INSYN2B: variants seen among roughly 807,000 people sequenced by gnomAD.
The protein encoded by INSYN2B is protein INSYN2B.
INSYN2B carries 16 observed loss-of-function variants against 41.2 expected under a neutral mutation model. The observed-to-expected ratio is 0.39, with a 90% CI of 0.26 to 0.59. The LOEUF is 0.59. Ranked by LOEUF, INSYN2B falls within the 20% of genes least tolerant of loss-of-function variation. The pLI, the probability that INSYN2B is intolerant of heterozygous loss-of-function variation, is 0.57. For synonymous variants in INSYN2B, 245 were observed against 244.4 expected (o/e 1.00, Z -0.02); for missense variants, 608 against 646.4 (o/e 0.94, Z 0.64).
intron 1 of INSYN2B, among the ~76,000 whole-genome samples, chr5:169,894,585 T>C (rs1385368289): frequency 6.6e-6 from 1 of 152,176 alleles, no homozygotes; most frequent in Non-Finnish European, 1.5e-5. Context: ...TATGGTCTGA[T>C]CTAATCACAG....
rs143786946 is a variant in INSYN2B, at chr5:169,892,099, A to G, written c.-918-7283T>C. Among the ~76,000 whole-genome samples, 418 of 152,334 alleles carry G rather than the reference A, an allele frequency of 2.7e-3. 1 individual carries two copies. Among genetic ancestry groups the G allele is most frequent in the African/African-American group, 9.8e-3 (409 of 41,588 alleles). ...AGAATCTTATTTAATGATTTTCAAA[A>G]TTCCTTTAGCGGTAAAATCAGCCTT... On this transcript the variant is annotated intron_variant, in intron 1 of 3. Transcript: ENST00000377365.
At chr5:169,916,105 C>G (rs1774859802) in intron 1 of INSYN2B, among the ~76,000 whole-genome samples, 1 of 152,178 alleles carries the variant, frequency 6.6e-6, no homozygotes, top group Non-Finnish European at 1.5e-5. Context: ...AATGAGAATT[C>G]AAACTAGATT....
chr5:169,926,994 A>G (rs924286726), intron 1 of INSYN2B, among the ~76,000 whole-genome samples: 1 of 152,230 alleles, frequency 6.6e-6, no homozygotes, highest in Non-Finnish European at 1.5e-5. Flanking sequence ...CAAGGATAAC[A>G]TCTCTCTGAC....
chr5:169,974,832 C>A (rs894667643), intron 1 of INSYN2B, among the ~76,000 whole-genome samples: 3 of 150,514 alleles, frequency 2.0e-5, no homozygotes, highest in Non-Finnish European at 4.4e-5. Context: ...TATTTGTGAC[C>A]CCCCTCCCCC....
In INSYN2B at chr5:169,882,859, G is replaced by A; in HGVS notation, c.1040C>T (p.Ala347Val). The A allele has an allele frequency of 6.4e-7, 1 of 1,551,220 alleles. No homozygotes were observed. Among genetic ancestry groups the A allele is most frequent in the Admixed American group, 2.0e-5 (1 of 50,994 alleles). The change falls in exon 2 of 4, where the codon GCA becomes GTA. Residue 347 changes from alanine (A) to valine (V), a missense_variant. Transcript: ENST00000377365. ...CTGACACCCAGGGGCAGATTTCGATGCACTGTTAGTTTTGAGTGACACCAG... is the reference window on the plus strand; with the variant it reads ...CTGACACCCAGGGGCAGATTTCGATACACTGTTAGTTTTGAGTGACACCAG... The part of the protein sequence containing the change: ...QNLVSLKTNS[A>V]SKSAPGCQEQ...
chr5:169,951,069 G>A (rs557297234), intron 1 of INSYN2B, among the ~76,000 whole-genome samples: 1 of 152,334 alleles, frequency 6.6e-6, no homozygotes, highest in African/African-American at 2.4e-5. Flanking sequence ...GTGATTGGCT[G>A]GAGCTGATGA....
At chr5:169,948,824 T>A (rs1414602261) in intron 1 of INSYN2B, among the ~76,000 whole-genome samples, 1 of 151,818 alleles carries the variant, frequency 6.6e-6, no homozygotes, top group Non-Finnish European at 1.5e-5. Context: ...CTCAGGATGG[T>A]TTGTCTCTTT....
rs562365230 is a variant in INSYN2B at position 169,895,935 on chromosome 5, G to A, written c.-918-11119C>T. On this transcript the variant is annotated intron_variant, in intron 1 of 3. Coordinates refer to ENST00000377365, the MANE Select transcript of INSYN2B (RefSeq NM_001129891.3). ...CTTCTTCCCTATTTTCTGGCCTGGA[G>A]ATGTCCCCGATTACCACTACCCTTG... Among the ~76,000 whole-genome samples the A allele has an allele frequency of 2.4e-3, 368 of 152,318 alleles. 19 individuals carry two copies. The South Asian group carries it at 0.073, about 30-fold the overall frequency.
chr5:169,872,779 G>C (rs1467486503), intron 3 of INSYN2B, among the ~76,000 whole-genome samples: 1 of 152,198 alleles, frequency 6.6e-6, no homozygotes, highest in East Asian at 1.9e-4. Context: ...TCTGAAAGTA[G>C]GACCTAGTTT....
At chr5:169,948,316 C>T (rs1776525115) in intron 1 of INSYN2B, among the ~76,000 whole-genome samples, 1 of 152,114 alleles carries the variant, frequency 6.6e-6, no homozygotes. Context: ...TAAACAAATA[C>T]ACATAAGTGT....
rs546791834 is a variant in INSYN2B, at chr5:169,945,821, C to T, written c.-919+34456G>A. 1.8e-4 allele frequency among the ~76,000 whole-genome samples: 27 copies of T among 152,346 alleles called. 1 individual carries two copies. In the East Asian group the frequency reaches 5.2e-3, roughly 29 times the overall value. ...TTTGCTTATTGTTTGGATTCGCCCA[C>T]GGCCTCCGTCCTTTGTGCAGCCTGA... On this transcript the variant is annotated intron_variant, in intron 1 of 3. Coordinates refer to ENST00000377365, the MANE Select transcript of INSYN2B (RefSeq NM_001129891.3).
rs549978787 is a variant in INSYN2B at position 169,961,887 on chromosome 5, G to A, written c.-919+18390C>T. On this transcript the variant is annotated intron_variant, in intron 1 of 3. Transcript: ENST00000377365. ...CCAGCTACTCAGGAGGCTGAGGCAG[G>A]AGAATCACTTGAACCCAGGAGGCGG... 2.0e-5 allele frequency among the ~76,000 whole-genome samples: 3 copies of A among 147,430 alleles called. No homozygotes were observed. In the Admixed American group the frequency reaches 2.1e-4, roughly 10 times the overall value.
intron 1 of INSYN2B, among the ~76,000 whole-genome samples, chr5:169,979,247 G>C (rs1777852237): frequency 6.6e-6 from 1 of 152,218 alleles, no homozygotes; most frequent in Non-Finnish European, 1.5e-5. Context: ...AACAACGTCA[G>C]TGTTAGGGCT....
chr5:169,967,067 A>G (rs1450071282), intron 1 of INSYN2B, among the ~76,000 whole-genome samples: 1 of 152,222 alleles, frequency 6.6e-6, no homozygotes, highest in African/African-American at 2.4e-5. Context: ...GCACTGTGCC[A>G]GGTGCTAGGG....
intron 1 of INSYN2B, among the ~76,000 whole-genome samples, chr5:169,912,479 A>G (rs374092599): frequency 1.3e-5 from 2 of 152,156 alleles, no homozygotes; most frequent in Non-Finnish European, 2.9e-5. Context: ...GTGTGTGCAC[A>G]TATGTGTTTT....
chr5:169,864,681 G>C (rs145189270), intron 3 of INSYN2B, among the ~76,000 whole-genome samples: 102 of 152,280 alleles, frequency 6.7e-4, no homozygotes, highest in African/African-American at 2.4e-3. Flanking sequence ...TCCTCACAGG[G>C]ATGTTATTAA....
chr5:169,911,811 G>C (rs149348070), intron 1 of INSYN2B, among the ~76,000 whole-genome samples: 1 of 152,156 alleles, frequency 6.6e-6, no homozygotes, highest in Non-Finnish European at 1.5e-5. Flanking sequence ...CAAGTTCCAC[G>C]GAAAGCCTAG....
chr5:169,909,131 T>A (rs1774454891), intron 1 of INSYN2B, among the ~76,000 whole-genome samples: 1 of 152,212 alleles, frequency 6.6e-6, no homozygotes, highest in Admixed American at 6.5e-5. Context: ...TTGCTGTGCC[T>A]CCATTTCTAA....
At chr5:169,901,921 G>A (rs1301972872) in intron 1 of INSYN2B, among the ~76,000 whole-genome samples, 1 of 152,084 alleles carries the variant, frequency 6.6e-6, no homozygotes, top group African/African-American at 2.4e-5. Flanking sequence ...ATGGCTCTGG[G>A]GACCACAGTG....
Sources: allele counts gnomAD v4.1 joint callset (sites outside exome capture counted in the v4.1 genomes callset), GRCh38; gene constraint gnomAD v4.1.1; transcripts MANE v1.5; gene names NCBI Gene and HGNC (gene_info 2026-07-23, HGNC 2026-07-21).